Variants in SUMF1 observed in about 807,000 individuals in gnomAD.
SUMF1 encodes the protein formylglycine-generating enzyme.
SUMF1 carries 48 observed loss-of-function variants against 47.6 expected under a neutral mutation model. The observed-to-expected ratio is 1.01, with a 90% CI of 0.80 to 1.28. The LOEUF is 1.28. Among genes scored for constraint, SUMF1 ranks in the 50% most tolerant of loss-of-function variants. The probability of loss-of-function intolerance (pLI) is 0.00; values close to 1 mark genes in which losing one functional copy is unlikely to be tolerated. For missense variants in SUMF1, 571 were observed against 485.4 expected, an observed-to-expected ratio of 1.18 and a Z score of -1.66; for synonymous variants, 230 against 192.1, an observed-to-expected ratio of 1.20 and a Z score of -1.63.
intron 8 of SUMF1, among the ~76,000 whole-genome samples, chr3:4,335,335 A>G (rs1297393458): frequency 1.3e-5 from 2 of 152,162 alleles, no homozygotes; most frequent in Non-Finnish European, 2.9e-5. Context: ...TAAAATTTAC[A>G]TATAGCCTAG....
intron 8 of SUMF1, among the ~76,000 whole-genome samples, chr3:4,118,384 CA>C (rs58975555): frequency 0.083 from 12,126 of 146,892 alleles, 1,219 homozygotes; most frequent in African/African-American, 0.21. Context: ...AATATAGAGC[CA>C]AAAAAAAATC....
At position 4,396,294 on chromosome 3, in the gene SUMF1, G is replaced by A. The variant is rs1701036058; in HGVS notation, c.954+14571C>T. Among the ~76,000 whole-genome samples the A allele has an allele frequency of 3.3e-5, 5 of 152,294 alleles. No homozygotes were observed. The Middle Eastern group carries it at 0.01, about 311-fold the overall frequency. ...GTAACATTTTTCGAATAAATCATTC[G>A]ACTATTCTAGTTTCAGACACACAAA... On this transcript the variant is annotated intron_variant, in intron 7 of 8. Transcript: ENST00000272902.
chr3:4,287,283 A>G (rs1405469459), intron 8 of SUMF1, among the ~76,000 whole-genome samples: 1 of 152,214 alleles, frequency 6.6e-6, no homozygotes, highest in Non-Finnish European at 1.5e-5. Flanking sequence ...ACTTAACAAA[A>G]TAAGAAAATA....
At chr3:4,130,668 C>T (rs1010432188) in intron 8 of SUMF1, among the ~76,000 whole-genome samples, 1 of 151,886 alleles carries the variant, frequency 6.6e-6, no homozygotes, top group African/African-American at 2.4e-5. Flanking sequence ...TTGAGATATC[C>T]CCTCTAGGAT....
chr3:4,332,072 T>A (rs1235215658), intron 8 of SUMF1, among the ~76,000 whole-genome samples: 1 of 152,208 alleles, frequency 6.6e-6, no homozygotes, highest in African/African-American at 2.4e-5. Context: ...GGCATTTGAA[T>A]TAAAGTTTCT....
rs113359661 is a variant in SUMF1, at chr3:4,221,414, GGTGTGTGTGTGTGTGTGT to G, written c.1015-152687_1015-152670del. The stretch of plus-strand genomic sequence containing the variant: ...AAATGCTTTGGGTTTGGTTTTTTGG[GGTGTGTGTGTGTGTGTGT>G]GTGTGTGTGTGTGTGTGTGTTTTGT... On this transcript the variant is annotated intron_variant and NMD_transcript_variant, in intron 8 of 12. Transcript: ENST00000448413. Among the ~76,000 whole-genome samples the G allele has an allele frequency of 6.1e-5, 9 of 148,092 alleles. 1 individual carries two copies. The highest frequency in any genetic ancestry group is 2.2e-4 in the African/African-American group (9 of 40,252).
In SUMF1 at chr3:4,363,352, T is replaced by A. The variant is rs140752202; in HGVS notation, c.1015-1098A>T. On this transcript the variant is annotated intron_variant, in intron 8 of 8. Transcript: ENST00000272902. ...AAGGCTGTGGGACAACATTGCTTTTTAAAAATACATTGCTCTTCCATTTCT... is the reference window on the plus strand; with the variant it reads ...AAGGCTGTGGGACAACATTGCTTTTAAAAAATACATTGCTCTTCCATTTCT... Among the ~76,000 whole-genome samples, 1,116 of 152,316 alleles carry A rather than the reference T, an allele frequency of 7.3e-3. 16 individuals are homozygous for A. The highest frequency in any genetic ancestry group is 0.025 in the African/African-American group (1,053 of 41,574).
chr3:4,138,208 G>C (rs558641035), intron 8 of SUMF1, among the ~76,000 whole-genome samples: 1 of 152,028 alleles, frequency 6.6e-6, no homozygotes, highest in Non-Finnish European at 1.5e-5. Context: ...TTGTTAAGAC[G>C]ACAACACTAC....
chr3:4,365,791 G>A (rs1699932239), intron 8 of SUMF1, among the ~76,000 whole-genome samples: 1 of 151,188 alleles, frequency 6.6e-6, no homozygotes, highest in African/African-American at 2.4e-5. Flanking sequence ...CTCGTTAGTT[G>A]ATGCAGTTTC....
intron 8 of SUMF1, among the ~76,000 whole-genome samples, chr3:4,212,953 G>A (rs762396756): frequency 2.0e-5 from 3 of 152,172 alleles, no homozygotes; most frequent in Non-Finnish European, 2.9e-5. Flanking sequence ...ACCTGAAAGT[G>A]ACAGGGAGAA....
intron 8 of SUMF1, among the ~76,000 whole-genome samples, chr3:4,129,795 G>T (rs1320342802): frequency 6.6e-6 from 1 of 152,144 alleles, no homozygotes; most frequent in Non-Finnish European, 1.5e-5. Context: ...AGGGGCTTAT[G>T]GAGCTTAGGT....
Position 4,367,158 on chromosome 3 carries a change from GGGGGTCA to G in SUMF1, c.1015-4911_1015-4905del, listed in dbSNP as rs968179470. 2.0e-4 allele frequency among the ~76,000 whole-genome samples: 30 copies of G among 152,212 alleles called. No individual in the cohort carries two copies. The East Asian group carries it at 4.4e-3, about 23-fold the overall frequency. On this transcript the variant is annotated intron_variant, in intron 8 of 8. Transcript: ENST00000272902. ...GGGGTGCCTCACAGTTAGGCTGCTC[GGGGGTCA>G]GGGGTCAGGGACCCACTTGAGGAGG...
chr3:4,437,696 T>C (rs574404089), intron 3 of SUMF1, among the ~76,000 whole-genome samples: 8 of 152,270 alleles, frequency 5.3e-5, no homozygotes, highest in African/African-American at 1.9e-4. Context: ...CTCAGCACTT[T>C]GGGAGGCTGA....
intron 8 of SUMF1, among the ~76,000 whole-genome samples, chr3:4,236,290 T>C (rs1420581666): frequency 6.6e-6 from 1 of 152,150 alleles, no homozygotes; most frequent in East Asian, 1.9e-4. Context: ...AACTTTCTCA[T>C]ATTCATATTG....
At chr3:4,265,582 C>T (rs1402932919) in intron 8 of SUMF1, among the ~76,000 whole-genome samples, 1 of 152,064 alleles carries the variant, frequency 6.6e-6, no homozygotes, top group South Asian at 2.1e-4. Flanking sequence ...TAAAACCCCA[C>T]AATTTCTTGT....
At chr3:4,230,083 A>C (rs1436444021) in intron 8 of SUMF1, among the ~76,000 whole-genome samples, 2 of 151,490 alleles carry the variant, frequency 1.3e-5, no homozygotes, top group Non-Finnish European at 2.9e-5. Context: ...TTTTTTTTAG[A>C]TAGAAGTTTC....
At chr3:4,263,482 T>C (rs541717422) in intron 8 of SUMF1, among the ~76,000 whole-genome samples, 35 of 152,294 alleles carry the variant, frequency 2.3e-4, no homozygotes, top group African/African-American at 8.4e-4. Flanking sequence ...AGACCCTCCT[T>C]GATCCAGCCC....
intron 9 of SUMF1, among the ~76,000 whole-genome samples, chr3:4,048,776 T>C (rs766585586): frequency 2.0e-5 from 3 of 152,214 alleles, no homozygotes; most frequent in African/African-American, 4.8e-5. Context: ...TTTCATTGCA[T>C]ACATTTAATA....
intron 8 of SUMF1, among the ~76,000 whole-genome samples, chr3:4,348,863 G>A (rs1041750317): frequency 2.0e-5 from 3 of 152,124 alleles, no homozygotes; most frequent in Admixed American, 6.5e-5. Flanking sequence ...CAACAAGAGC[G>A]AAGCGCCGTC....
Sources: allele counts gnomAD v4.1 joint callset (sites outside exome capture counted in the v4.1 genomes callset), GRCh38; gene constraint gnomAD v4.1.1; transcripts MANE v1.5; gene names NCBI Gene and HGNC (gene_info 2026-07-23, HGNC 2026-07-21).